Variants in HMBOX1 observed in about 807,000 individuals in gnomAD.
HMBOX1 encodes the protein homeobox containing 1.
Under a neutral mutation model 54.5 loss-of-function variants are expected in HMBOX1, and 14 were observed. That is an observed-to-expected ratio of 0.26 (90% CI 0.17 to 0.40). HMBOX1 has a LOEUF of 0.40. Among genes scored for constraint, HMBOX1 ranks in the 10% least tolerant of loss-of-function variants. The pLI is 1.00. For synonymous variants in HMBOX1, 160 were observed against 181.0 expected, an observed-to-expected ratio of 0.88 and a Z score of 0.93; for missense variants, 332 against 514.4, an observed-to-expected ratio of 0.65 and a Z score of 3.43.
chr8:28,990,438 A>T (rs936265802), intron 4 of HMBOX1, among the ~76,000 whole-genome samples: 14 of 152,258 alleles, frequency 9.2e-5, no homozygotes, highest in Non-Finnish European at 2.1e-4. Flanking sequence ...TGTTGAGATG[A>T]CCACCTGGTT....
chr8:28,929,970 A>G (rs1563409421), intron 1 of HMBOX1, among the ~76,000 whole-genome samples: 1 of 117,014 alleles, frequency 8.5e-6, no homozygotes, highest in Admixed American at 1.2e-4. Context: ...CTCTGTAATC[A>G]TAAGTCACTC....
chr8:28,963,794 C>T lies in HMBOX1; in HGVS notation c.-57-17C>T. On this transcript the variant is annotated splice_polypyrimidine_tract_variant and intron_variant, in intron 1 of 9. Coordinates refer to ENST00000287701, the MANE Select transcript of HMBOX1 (RefSeq NM_001135726.3). ...ATTAACATAAATGTTTCTCAATTTT[C>T]TATCTTTGTTCTACAGAATGGTAGA... 8.2e-7 allele frequency: 1 copy of T among 1,223,594 alleles called. No individual in the cohort carries two copies. The highest frequency in any genetic ancestry group is 1.2e-6 in the Non-Finnish European group (1 of 868,828). The allele number at this position is 1,223,594 out of a possible 1,614,324, so 75.8% of individuals were successfully genotyped here.
intron 1 of HMBOX1, among the ~76,000 whole-genome samples, chr8:28,956,360 T>G (rs1586074510): frequency 6.6e-6 from 1 of 152,250 alleles, no homozygotes; most frequent in African/African-American, 2.4e-5. Context: ...AACGTTTTGT[T>G]TATCTTTTGA....
chr8:29,027,824 G>A (rs1182721538), intron 6 of HMBOX1, among the ~76,000 whole-genome samples: 7 of 152,092 alleles, frequency 4.6e-5, no homozygotes, highest in Non-Finnish European at 8.8e-5. Context: ...CCTGTATTTG[G>A]GTGTATCCAG....
chr8:29,023,392 A>G (rs1801499684), intron 6 of HMBOX1, among the ~76,000 whole-genome samples: 1 of 152,130 alleles, frequency 6.6e-6, no homozygotes, highest in Admixed American at 6.5e-5. Context: ...TCAATTTTAG[A>G]ACATGTTTAT....
At chr8:28,910,718 GTCA>G (rs1391702035) in intron 1 of HMBOX1, among the ~76,000 whole-genome samples, 3 of 152,080 alleles carry the variant, frequency 2.0e-5, no homozygotes, top group African/African-American at 7.2e-5. Flanking sequence ...TAGTTGGGTT[GTCA>G]TCATATTGAA....
intron 5 of HMBOX1, among the ~76,000 whole-genome samples, chr8:29,013,982 A>G (rs1346901187): frequency 2.6e-5 from 4 of 152,232 alleles, no homozygotes; most frequent in Non-Finnish European, 2.9e-5. Context: ...CTTCACTTGC[A>G]GAGTGTTAGA....
intron 1 of HMBOX1, chr8:28,949,712 T>C (rs946678049): frequency 6.6e-6 from 1 of 152,220 alleles, no homozygotes; most frequent in East Asian, 1.9e-4. Flanking sequence ...CTGCAGCAAT[T>C]GATAAGAAAC....
rs971368570 is a variant in HMBOX1 at position 29,052,464 on chromosome 8, A to T, written c.*1309A>T. 2.0e-5 allele frequency: 3 copies of T among 152,212 alleles called. No homozygotes were observed. The highest frequency in any genetic ancestry group is 4.4e-5 in the Non-Finnish European group (3 of 68,042). 9.4% of individuals were successfully genotyped at this position (152,212 alleles called of 1,614,324 possible). ...TAATCTACTTTAAGCGGCAGTAACTAATGGAATTTTTTTCCTTGATCACAT... is the reference window on the plus strand; with the variant it reads ...TAATCTACTTTAAGCGGCAGTAACTTATGGAATTTTTTTCCTTGATCACAT... On this transcript the variant is annotated 3_prime_UTR_variant, in exon 10 of 10. Transcript: ENST00000287701.
intron 5 of HMBOX1, among the ~76,000 whole-genome samples, chr8:29,012,580 A>G (rs2132885222): frequency 6.6e-6 from 1 of 152,236 alleles, no homozygotes; most frequent in East Asian, 1.9e-4. Flanking sequence ...AAGCATAGAA[A>G]TCTCTGAAAA....
At chr8:28,991,162 T>G (rs901728079) in intron 4 of HMBOX1, among the ~76,000 whole-genome samples, 1 of 152,228 alleles carries the variant, frequency 6.6e-6, no homozygotes, top group Non-Finnish European at 1.5e-5. Flanking sequence ...TACCTGGATC[T>G]TAGGGCTTGT....
intron 8 of HMBOX1, 111 bp downstream of exon 8, chr8:29,047,564 C>CTTTTT (rs33978272): frequency 1.8e-4 from 57 of 308,282 alleles, no homozygotes; most frequent in South Asian, 3.5e-4. Flanking sequence ...CCTAACTTCT[C>CTTTTT]TTTTTTTTTT....
chr8:28,902,924 A>C (rs1014242105), intron 1 of HMBOX1, among the ~76,000 whole-genome samples: 1 of 152,152 alleles, frequency 6.6e-6, no homozygotes, highest in African/African-American at 2.4e-5. Context: ...TACTGTTAAT[A>C]ATTTGCTTTG....
upstream of HMBOX1, chr8:28,890,285 A>C (rs996835467): frequency 1.7e-5 from 3 of 179,634 alleles, no homozygotes; most frequent in South Asian, 2.1e-4. Context: ...GGCTTGCCGG[A>C]AGTTGTAGTT....
intron 4 of HMBOX1, among the ~76,000 whole-genome samples, chr8:28,996,827 A>G (rs1353812434): frequency 6.6e-6 from 1 of 152,206 alleles, no homozygotes; most frequent in Non-Finnish European, 1.5e-5. Context: ...GTGGATATCC[A>G]CTTGTCCCAT....
At chr8:29,041,820 C>A (rs7464814) in intron 6 of HMBOX1, among the ~76,000 whole-genome samples, 2 of 151,872 alleles carry the variant, frequency 1.3e-5, no homozygotes. Context: ...AGGTTGTTTG[C>A]GGGGGGACTT....
At chr8:29,040,251 G>A (rs927879552) in intron 6 of HMBOX1, among the ~76,000 whole-genome samples, 3 of 151,972 alleles carry the variant, frequency 2.0e-5, no homozygotes, top group Non-Finnish European at 4.4e-5. Context: ...CATAATCAAG[G>A]CCCATATTTT....
At chr8:29,034,718 A>C (rs1256190421) in intron 6 of HMBOX1, among the ~76,000 whole-genome samples, 1 of 152,160 alleles carries the variant, frequency 6.6e-6, no homozygotes, top group Non-Finnish European at 1.5e-5. Flanking sequence ...ATAGCCAGGC[A>C]TGGTGGTGCA....
intron 1 of HMBOX1, among the ~76,000 whole-genome samples, chr8:28,920,525 C>G (rs77148932): frequency 6.6e-6 from 1 of 152,246 alleles, no homozygotes; most frequent in Admixed American, 6.5e-5. Flanking sequence ...TTAAATGATT[C>G]TCTGTAAGCA....
Sources: allele counts gnomAD v4.1 joint callset (sites outside exome capture counted in the v4.1 genomes callset), GRCh38; gene constraint gnomAD v4.1.1; transcripts MANE v1.5; gene names NCBI Gene and HGNC (gene_info 2026-07-23, HGNC 2026-07-21).